Variants in SNX18 observed in about 807,000 individuals in gnomAD.
SNX18 encodes sorting nexin-18.
Under a neutral mutation model 48.7 loss-of-function variants are expected in SNX18, and 35 were observed. The observed-to-expected ratio is 0.72, with a 90% CI of 0.55 to 0.95. SNX18 has a LOEUF of 0.95. Ranked by LOEUF, SNX18 falls within the 40% of genes least tolerant of loss-of-function variation. The pLI is 0.00. For missense variants in SNX18, 824 were observed against 871.0 expected (o/e 0.95, Z 0.68); for synonymous variants, 492 against 384.7 (o/e 1.28, Z -3.26).
chr5:54,598,564 A>G, the SNX18 span, among the ~76,000 whole-genome samples: 77,268 of 152,088 alleles, frequency 0.51, 19,937 homozygotes, highest in East Asian at 0.56. Flanking sequence ...CCTGGGATGC[A>G]AGGCTGGTTC....
chr5:54,555,551 G>C, the SNX18 span, among the ~76,000 whole-genome samples: 1 of 152,022 alleles, frequency 6.6e-6, no homozygotes, highest in Admixed American at 6.6e-5. Context: ...GAATGAAATT[G>C]AGGCCAGGTG....
At chr5:54,640,210 CTTT>C in the SNX18 span, among the ~76,000 whole-genome samples, 1 of 146,252 alleles carries the variant, frequency 6.8e-6, no homozygotes, top group African/African-American at 2.5e-5. Flanking sequence ...GAAATAGATT[CTTT>C]TTTTTTTTTT....
intron 1 of SNX18, chr5:54,520,003 T>A: frequency 3.3e-6 from 2 of 608,274 alleles, no homozygotes; most frequent in Non-Finnish European, 5.8e-6. Flanking sequence ...CGGATGTCTG[T>A]AAATAGAAAT....
the SNX18 span, among the ~76,000 whole-genome samples, chr5:54,622,555 T>C: frequency 2.7e-5 from 4 of 150,226 alleles, no homozygotes; most frequent in Non-Finnish European, 4.4e-5. Flanking sequence ...TGTAGGGCTC[T>C]GCAAATGCTT....
In SNX18 at chr5:54,533,508, G is replaced by A. The variant is rs529703073; in HGVS notation, c.1622-9671G>A. ...TTGAGGCCGATCTATGGGGCTTTGC[G>A]ATCGCCATGGGTAGGGTATCCCCCC... On this transcript the variant is annotated intron_variant, in intron 1 of 1. Coordinates refer to ENST00000381410, the MANE Select transcript of SNX18 (RefSeq NM_001102575.2). 1.7e-4 allele frequency among the ~76,000 whole-genome samples: 26 copies of A among 152,314 alleles called. 1 individual carries two copies. The South Asian group carries it at 3.1e-3, about 18-fold the overall frequency.
At chr5:54,609,271 A>C in the SNX18 span, among the ~76,000 whole-genome samples, 101 of 152,098 alleles carry the variant, frequency 6.6e-4, no homozygotes, top group Admixed American at 1.8e-3. Context: ...CTTTAAAACC[A>C]CACATGGATA....
chr5:54,553,329 G>A, the SNX18 span, among the ~76,000 whole-genome samples: 1 of 152,162 alleles, frequency 6.6e-6, no homozygotes, highest in African/African-American at 2.4e-5. Context: ...GACACTGGCA[G>A]TGGAGGCTGG....
the SNX18 span, among the ~76,000 whole-genome samples, chr5:54,595,397 A>G: frequency 3.3e-5 from 5 of 151,960 alleles, no homozygotes; most frequent in Non-Finnish European, 5.9e-5. Context: ...CACCATGCCC[A>G]GCTAATTTTT....
chr5:54,552,609 T>C, the SNX18 span, among the ~76,000 whole-genome samples: 1 of 152,188 alleles, frequency 6.6e-6, no homozygotes, highest in Non-Finnish European at 1.5e-5. Flanking sequence ...CTTGAAAAGC[T>C]TGATGATGCC....
chr5:54,536,243 T>A (rs2564999), intron 1 of SNX18, among the ~76,000 whole-genome samples: 32,012 of 151,976 alleles, frequency 0.21, 3,852 homozygotes, highest in East Asian at 0.45. Context: ...ATTTTTTTTT[T>A]ATTATACTTT....
the SNX18 span, chr5:54,644,754 T>G: frequency 6.6e-6 from 1 of 152,212 alleles, no homozygotes; most frequent in Non-Finnish European, 1.5e-5. Context: ...GCTGCTATCT[T>G]GGGACAAGGG....
intron 1 of SNX18, among the ~76,000 whole-genome samples, chr5:54,522,307 C>T (rs1172309426): frequency 6.6e-6 from 1 of 152,092 alleles, no homozygotes; most frequent in Non-Finnish European, 1.5e-5. Flanking sequence ...CTCCCCAACC[C>T]CAACTGTTAC....
At chr5:54,602,204 G>A in the SNX18 span, among the ~76,000 whole-genome samples, 1 of 152,152 alleles carries the variant, frequency 6.6e-6, no homozygotes, top group Non-Finnish European at 1.5e-5. Context: ...GGTGATTGAA[G>A]CTCTGTAAGC....
At position 54,543,660 on chromosome 5, in the gene SNX18, A is replaced by G. The variant is rs911358890; in HGVS notation, c.*228A>G. ...TAACTAAATTATACTATGTATGCCTACACTACCATTGTAACTTTTGGAATA... is the reference window on the plus strand; with the variant it reads ...TAACTAAATTATACTATGTATGCCTGCACTACCATTGTAACTTTTGGAATA... On this transcript the variant is annotated 3_prime_UTR_variant, in exon 2 of 2. Transcript: ENST00000381410. The G allele has an allele frequency of 1.6e-5, 8 of 495,756 alleles. No individual in the cohort carries two copies. Among genetic ancestry groups the G allele is most frequent in the African/African-American group, 9.7e-5 (5 of 51,572 alleles). 30.7% of individuals were successfully genotyped at this position (495,756 alleles called of 1,614,324 possible).
chr5:54,533,551 G>A (rs1237636902), intron 1 of SNX18, among the ~76,000 whole-genome samples: 3 of 152,224 alleles, frequency 2.0e-5, no homozygotes, highest in African/African-American at 7.2e-5. Flanking sequence ...ACATACAAGG[G>A]AATTGCCTGA....
chr5:54,601,079 G>A, the SNX18 span, among the ~76,000 whole-genome samples: 4 of 148,958 alleles, frequency 2.7e-5, no homozygotes, highest in South Asian at 4.5e-4. Context: ...CATCCCTCCC[G>A]TCCTCCCTCT....
chr5:54,590,040 C>T, the SNX18 span, among the ~76,000 whole-genome samples: 9 of 152,236 alleles, frequency 5.9e-5, no homozygotes, highest in African/African-American at 2.2e-4. Flanking sequence ...ATCCTCCTGT[C>T]TGGACCTCCC....
At chr5:54,563,748 A>G in the SNX18 span, among the ~76,000 whole-genome samples, 1 of 152,140 alleles carries the variant, frequency 6.6e-6, no homozygotes, top group African/African-American at 2.4e-5. Flanking sequence ...ACCCACTTCT[A>G]CAGTTTTCTC....
At chr5:54,607,976 A>T in the SNX18 span, among the ~76,000 whole-genome samples, 1 of 152,098 alleles carries the variant, frequency 6.6e-6, no homozygotes, top group Non-Finnish European at 1.5e-5. Context: ...GCTGCTGTAA[A>T]CTTCATGTGC....
Sources: allele counts gnomAD v4.1 joint callset (sites outside exome capture counted in the v4.1 genomes callset), GRCh38; gene constraint gnomAD v4.1.1; transcripts MANE v1.5; gene names NCBI Gene and HGNC (gene_info 2026-07-23, HGNC 2026-07-21).